Variants in ANKRD11 observed in about 807,000 individuals in gnomAD.
The protein encoded by ANKRD11 is ankyrin repeat domain 11.
A neutral mutation model predicts 195.7 loss-of-function variants in ANKRD11; 17 were observed. The ratio of observed to expected loss-of-function variants is 0.09; its 90% CI spans 0.06 to 0.13. The LOEUF is 0.13. Ranked by LOEUF, ANKRD11 falls within the 10% of genes least tolerant of loss-of-function variation. The pLI is 1.00. For synonymous variants in ANKRD11, 1,953 were observed against 1,528.1 expected (o/e 1.28, Z -6.49); for missense variants, 3,735 against 3,566.1 (o/e 1.05, Z -1.21).
Position 89,283,399 on chromosome 16 carries a change from T to G in ANKRD11, c.3143A>C (p.Lys1048Thr). The change falls in exon 9 of 13, where the codon AAG becomes ACG. Residue 1048 changes from lysine to threonine, a missense_variant. Transcript: ENST00000301030. The surrounding 1 kb of genome is among the most constrained non-coding windows in gnomAD (Gnocchi z 4.3). The stretch of plus-strand genomic sequence containing the variant: ...AAAACATTTATCAAATTCTTTGTCC[T>G]TCTGACATTTTTCCAGGATTGATTT... ...SEKSILEKCQ[K>T]DKEFDKCFKE... 6.2e-7 allele frequency: 1 copy of G among 1,614,080 alleles called. No homozygotes were observed. The highest frequency in any genetic ancestry group is 8.5e-7 in the Non-Finnish European group (1 of 1,180,048).
intron 3 of ANKRD11, among the ~76,000 whole-genome samples, chr16:89,315,404 T>G (rs186868992): frequency 6.7e-6 from 1 of 149,180 alleles, no homozygotes; most frequent in Admixed American, 6.7e-5. Flanking sequence ...AAGCGTGACC[T>G]GCCCTTGCGC....
chr16:89,334,879 C>A (rs937674657), intron 2 of ANKRD11, among the ~76,000 whole-genome samples: 9 of 152,104 alleles, frequency 5.9e-5, no homozygotes, highest in African/African-American at 2.2e-4. Flanking sequence ...AAGAGCCAGA[C>A]ACGAGTGTGT....
At position 89,291,718 on chromosome 16, in the gene ANKRD11, T is replaced by C; in HGVS notation, c.227-535A>G. ...TTCTAGGAACCTCCATCTCATGCCA[T>C]GGTGCTTCGAGGAGCGTACCAGCCT... On this transcript the variant is annotated intron_variant, in intron 4 of 12. Transcript: ENST00000301030. This position sits in a 1 kb window ranked among gnomAD's most constrained non-coding sequence, Gnocchi z 5.3. 1 of 1,289,922 alleles carries C rather than the reference T, an allele frequency of 7.8e-7. No individual in the cohort carries two copies. Among genetic ancestry groups the C allele is most frequent in the Non-Finnish European group, 1.0e-6 (1 of 988,914 alleles). 79.9% of individuals were successfully genotyped at this position (1,289,922 alleles called of 1,614,324 possible).
intron 1 of ANKRD11, among the ~76,000 whole-genome samples, chr16:89,427,946 G>A (rs1337665185): frequency 2.6e-5 from 4 of 152,024 alleles, no homozygotes; most frequent in Admixed American, 1.3e-4. Context: ...ATAATCTAGT[G>A]CCTCTAATCC....
At chr16:89,294,759 CCCGCACTG>C (rs1406816125) in intron 4 of ANKRD11, among the ~76,000 whole-genome samples, 1 of 152,212 alleles carries the variant, frequency 6.6e-6, no homozygotes, top group Non-Finnish European at 1.5e-5. Context: ...ACAAGTGGGT[CCCGCACTG>C]CCTGCCTGCC....
intron 4 of ANKRD11, among the ~76,000 whole-genome samples, chr16:89,304,269 C>G (rs3096311): frequency 0.65 from 99,465 of 152,110 alleles, 33,614 homozygotes; most frequent in Non-Finnish European, 0.75. Flanking sequence ...TGGGCTTGCA[C>G]ACGGGCACAC....
At chr16:89,422,876 TTTC>T (rs2042570874) in intron 1 of ANKRD11, among the ~76,000 whole-genome samples, 1 of 152,248 alleles carries the variant, frequency 6.6e-6, no homozygotes, top group African/African-American at 2.4e-5. Flanking sequence ...TAATCACTTT[TTTC>T]TTTTTTTCTT....
Position 89,391,159 on chromosome 16 carries a change from C to T in ANKRD11, c.-60+27125G>A, listed in dbSNP as rs1168477632. Among the ~76,000 whole-genome samples the T allele has an allele frequency of 4.1e-5, 6 of 146,992 alleles. No individual in the cohort carries two copies. The East Asian group carries it at 1.0e-3, about 25-fold the overall frequency. ...AGGAGAATGGTGTGAACCCGGAAGG[C>T]GGAGCTTGCAGTGAGCCGAGATCGC... On this transcript the variant is annotated intron_variant, in intron 2 of 12. Transcript: ENST00000301030.
At position 89,420,964 on chromosome 16, in the gene ANKRD11, C is replaced by T. The variant is rs372776132; in HGVS notation, c.-144-2596G>A. Among the ~76,000 whole-genome samples the T allele has an allele frequency of 4.6e-5, 7 of 152,388 alleles. 1 individual carries two copies. The East Asian group carries it at 1.2e-3, about 25-fold the overall frequency. On this transcript the variant is annotated intron_variant, in intron 1 of 12. Transcript: ENST00000301030. ...AACAGAAAAGCACCAGGCTACACTT[C>T]TTACTGTCAGCTCCTGCCTACAGCA... is the stretch of plus-strand genomic sequence containing the variant.
At chr16:89,467,747 A>C (rs576763880) in intron 1 of ANKRD11, among the ~76,000 whole-genome samples, 1 of 152,142 alleles carries the variant, frequency 6.6e-6, no homozygotes, top group Admixed American at 6.5e-5. Flanking sequence ...GACATACTGC[A>C]TATGTTTTTA....
chr16:89,375,632 T>C (rs1021776753), intron 2 of ANKRD11, among the ~76,000 whole-genome samples: 1 of 152,026 alleles, frequency 6.6e-6, no homozygotes, highest in East Asian at 1.9e-4. Flanking sequence ...TTTTAAATTT[T>C]TAGTAGAGAC....
At chr16:89,468,664 G>A (rs1338712924) in intron 1 of ANKRD11, among the ~76,000 whole-genome samples, 2 of 152,024 alleles carry the variant, frequency 1.3e-5, no homozygotes, top group African/African-American at 2.4e-5. Flanking sequence ...CCGAGATCGC[G>A]CCACTGCACT....
intron 2 of ANKRD11, among the ~76,000 whole-genome samples, chr16:89,372,329 G>A (rs1161080926): frequency 3.3e-5 from 5 of 152,258 alleles, no homozygotes; most frequent in South Asian, 4.1e-4. Flanking sequence ...CGACGGATGC[G>A]GCCACCACTG....
At chr16:89,435,519 G>A (rs1002141826) in intron 1 of ANKRD11, among the ~76,000 whole-genome samples, 14 of 152,186 alleles carry the variant, frequency 9.2e-5, no homozygotes, top group African/African-American at 2.9e-4. Context: ...TGAAGTCAGC[G>A]AGACCACGAA....
intron 2 of ANKRD11, among the ~76,000 whole-genome samples, chr16:89,341,202 C>A (rs927738725): frequency 6.6e-6 from 1 of 152,150 alleles, no homozygotes; most frequent in Admixed American, 6.5e-5. Flanking sequence ...GGGTGAGATC[C>A]GCGGAGAAGA....
Position 89,279,788 on chromosome 16 carries a change from C to T in ANKRD11, c.6754G>A (p.Gly2252Arg). The T allele has an allele frequency of 1.3e-6, 2 of 1,536,230 alleles. No homozygotes were observed. Among genetic ancestry groups the T allele is most frequent in the Non-Finnish European group, 1.7e-6 (2 of 1,145,316 alleles). The change falls in exon 9 of 13, where the codon GGG becomes AGG. Residue 2252 changes from glycine to arginine, a missense_variant. Transcript: ENST00000301030. This position sits in a 1 kb window ranked among gnomAD's most constrained non-coding sequence, Gnocchi z 5.6. ...APVPPEQRPL[G>R]SGDQGAEAEG... ...GCCTCAGCCCCCTGGTCTCCGCTCC[C>T]CAGTGGGCGCTGTTCTGGGGGAACG... is the stretch of plus-strand genomic sequence containing the variant.
At chr16:89,485,250 A>G (rs1017998573) in intron 1 of ANKRD11, among the ~76,000 whole-genome samples, 1 of 151,944 alleles carries the variant, frequency 6.6e-6, no homozygotes, top group Non-Finnish European at 1.5e-5. Flanking sequence ...TTGGGAGGCC[A>G]AGACGGCTGG....
chr16:89,361,102 A>G (rs1289157694), intron 2 of ANKRD11, among the ~76,000 whole-genome samples: 5 of 152,212 alleles, frequency 3.3e-5, no homozygotes, highest in African/African-American at 1.2e-4. Context: ...CTCATTGTGG[A>G]AACCTGTCAA....
In ANKRD11 at chr16:89,268,152, C is replaced by T. The variant is rs1487106088; in HGVS notation, c.*326G>A. ...AACTCCTGAAATGCCTCTGCAGTTG[C>T]TGGAGAAAAGGGCCCGAAGGTCGCC... On this transcript the variant is annotated 3_prime_UTR_variant, in exon 13 of 13. Coordinates refer to ENST00000301030, the MANE Select transcript of ANKRD11 (RefSeq NM_013275.6). The T allele has an allele frequency of 5.9e-6, 1 of 168,082 alleles. No individual in the cohort carries two copies. Among genetic ancestry groups the T allele is most frequent in the East Asian group, 1.4e-4 (1 of 7,230 alleles). 10.4% of individuals were successfully genotyped at this position (168,082 alleles called of 1,614,324 possible).
Sources: allele counts gnomAD v4.1 joint callset (sites outside exome capture counted in the v4.1 genomes callset), GRCh38; gene constraint gnomAD v4.1.1; non-coding constraint Gnocchi (gnomAD v3.1); transcripts MANE v1.5; gene names NCBI Gene and HGNC (gene_info 2026-07-23, HGNC 2026-07-21).